The following PIGU variants were observed in gnomAD, a reference collection of about 807,000 sequenced individuals.
PIGU encodes phosphatidylinositol glycan anchor biosynthesis class U, also known as GPI-anchor transamidase component PIGU.
PIGU carries 24 observed loss-of-function variants against 49.9 expected under a neutral mutation model. The observed-to-expected ratio is 0.48, with a 90% CI of 0.35 to 0.68. The LOEUF (loss-of-function observed/expected upper bound fraction) is 0.68, where lower values mean the gene tolerates loss of function less well. PIGU is among the 30% of genes least tolerant of loss of function. PIGU has a pLI of 0.01. For synonymous variants in PIGU, 220 were observed against 205.7 expected, an observed-to-expected ratio of 1.07 and a Z score of -0.59; for missense variants, 490 against 532.6, an observed-to-expected ratio of 0.92 and a Z score of 0.79.
At chr20:34,620,141 T>C (rs978285284) in intron 6 of PIGU, among the ~76,000 whole-genome samples, 4 of 152,212 alleles carry the variant, frequency 2.6e-5, no homozygotes, top group Non-Finnish European at 5.9e-5. Flanking sequence ...AGACTTCTGA[T>C]GGTTCCATTT....
chr20:34,669,524 G>A (rs1166903600), intron 1 of PIGU, among the ~76,000 whole-genome samples: 1 of 151,890 alleles, frequency 6.6e-6, no homozygotes, highest in African/African-American at 2.4e-5. Context: ...AAAATTAGCT[G>A]GGTGTGGTGG....
At chr20:34,626,461 C>T (rs752155295) in intron 6 of PIGU, among the ~76,000 whole-genome samples, 1 of 152,050 alleles carries the variant, frequency 6.6e-6, no homozygotes, top group Non-Finnish European at 1.5e-5. Flanking sequence ...CACCACCACG[C>T]CCTGCTAATT....
chr20:34,674,800 G>A (rs1323263817), intron 1 of PIGU, among the ~76,000 whole-genome samples: 2 of 151,810 alleles, frequency 1.3e-5, no homozygotes, highest in Non-Finnish European at 2.9e-5. Context: ...AACAAGTAGG[G>A]TTGGTGGTAC....
chr20:34,619,498 G>A (rs930116012), intron 6 of PIGU, among the ~76,000 whole-genome samples: 3 of 152,162 alleles, frequency 2.0e-5, no homozygotes, highest in Non-Finnish European at 4.4e-5. Context: ...GGTTCTCTAC[G>A]GATTGAAAGC....
chr20:34,605,967 C>T (rs963684797), intron 7 of PIGU, among the ~76,000 whole-genome samples: 1 of 151,962 alleles, frequency 6.6e-6, no homozygotes, highest in Non-Finnish European at 1.5e-5. Flanking sequence ...AGGTAATCAA[C>T]AATTCCCAGC....
chr20:34,586,176 T>G (rs2146710860), intron 8 of PIGU, among the ~76,000 whole-genome samples: 1 of 152,318 alleles, frequency 6.6e-6, no homozygotes, highest in African/African-American at 2.4e-5. Context: ...GACAAATATT[T>G]CGCTGCAATT....
chr20:34,638,838 G>T (rs1033582870), intron 4 of PIGU, among the ~76,000 whole-genome samples: 11 of 152,140 alleles, frequency 7.2e-5, no homozygotes, highest in African/African-American at 2.7e-4. Context: ...AGAAAGGTAG[G>T]CAATCTTATA....
At chr20:34,587,490 G>C in intron 8 of PIGU, among the ~76,000 whole-genome samples, 1 of 152,150 alleles carries the variant, frequency 6.6e-6, no homozygotes, top group Non-Finnish European at 1.5e-5. Context: ...AACATTGTTT[G>C]TGGTGGGAAC....
At chr20:34,663,172 T>C (rs1986980868) in intron 1 of PIGU, among the ~76,000 whole-genome samples, 1 of 152,138 alleles carries the variant, frequency 6.6e-6, no homozygotes, top group African/African-American at 2.4e-5. Flanking sequence ...CCCAAAGTGG[T>C]GGGATTACAG....
intron 8 of PIGU, among the ~76,000 whole-genome samples, chr20:34,585,872 C>T (rs967268335): frequency 6.6e-6 from 1 of 152,184 alleles, no homozygotes; most frequent in Non-Finnish European, 1.5e-5. Context: ...TTTTACTGCG[C>T]AAGACAGTTT....
At chr20:34,606,382 T>G (rs561495618) in intron 7 of PIGU, among the ~76,000 whole-genome samples, 5 of 152,186 alleles carry the variant, frequency 3.3e-5, no homozygotes, top group Admixed American at 2.0e-4. Context: ...ATCAAGACTC[T>G]CCCATTGCAT....
intron 1 of PIGU, among the ~76,000 whole-genome samples, chr20:34,672,142 T>C (rs1987327070): frequency 6.6e-6 from 1 of 152,034 alleles, no homozygotes; most frequent in South Asian, 2.1e-4. Context: ...AGTTTTGCCA[T>C]GTTGCCCAGG....
chr20:34,618,692 TG>T (rs1985098987), intron 6 of PIGU, among the ~76,000 whole-genome samples: 1 of 152,138 alleles, frequency 6.6e-6, no homozygotes, highest in Admixed American at 6.5e-5. Context: ...GAGGCTGAGG[TG>T]GGAGGATCAC....
chr20:34,631,795 TTTTTTTTTTTTTTTTTTTTTTA>T (rs1985784573), intron 6 of PIGU, among the ~76,000 whole-genome samples: 2 of 27,730 alleles, frequency 7.2e-5, no homozygotes, highest in Admixed American at 1.3e-3. Context: ...ATTTTTTTTT[TTTTTTTTTTTTTTTTTTTTTTA>T]GTAGAGACGG....
At chr20:34,641,092 C>G (rs1009395531) in intron 4 of PIGU, among the ~76,000 whole-genome samples, 2 of 152,088 alleles carry the variant, frequency 1.3e-5, no homozygotes, top group African/African-American at 4.8e-5. Flanking sequence ...CGGGCTTTCA[C>G]CACGTTGAAA....
intron 7 of PIGU, among the ~76,000 whole-genome samples, chr20:34,595,939 G>GT (rs1160913196): frequency 1.3e-5 from 2 of 152,122 alleles, no homozygotes; most frequent in African/African-American, 4.8e-5. Flanking sequence ...TTAGCTGGGC[G>GT]TGGTAGTGCT....
In PIGU at chr20:34,633,852, C is replaced by T. The variant is rs933350577; in HGVS notation, c.529+763G>A. Among the ~76,000 whole-genome samples the T allele has an allele frequency of 5.8e-4, 89 of 152,150 alleles. 1 individual carries two copies. The highest frequency in any genetic ancestry group is 1.3e-4 in the Non-Finnish European group (9 of 68,018). On this transcript the variant is annotated intron_variant, in intron 6 of 11. Coordinates refer to ENST00000217446, the MANE Select transcript of PIGU (RefSeq NM_080476.5). ...CAAGTGCTGGGATTATAGGAGTGAG[C>T]CACTGCACCTGGCCCCAAAGAGCTA... is the stretch of plus-strand genomic sequence containing the variant.
At chr20:34,644,366 C>T (rs575411709) in intron 3 of PIGU, 140 bp from the exon 4 acceptor site, 1 of 621,454 alleles carries the variant, frequency 1.6e-6, no homozygotes, top group East Asian at 3.0e-5. Flanking sequence ...CTTCAACCCT[C>T]ACTTTGACTA....
chr20:34,563,435 C>T (rs1244419354), intron 11 of PIGU, among the ~76,000 whole-genome samples: 1 of 149,520 alleles, frequency 6.7e-6, no homozygotes, highest in Non-Finnish European at 1.5e-5. Context: ...GGCATGGTGG[C>T]GCATGCCTGT....
Sources: allele counts gnomAD v4.1 joint callset (sites outside exome capture counted in the v4.1 genomes callset), GRCh38; gene constraint gnomAD v4.1.1; transcripts MANE v1.5; gene names NCBI Gene and HGNC (gene_info 2026-07-23, HGNC 2026-07-21).